MGAT4A: variants seen among roughly 807,000 people sequenced by gnomAD.
The protein encoded by MGAT4A is N-acetylglucosaminyltransferase IVa.
In MGAT4A, 33 loss-of-function variants were observed where a neutral mutation model predicts 74.1. The ratio of observed to expected loss-of-function variants is 0.45; its 90% CI spans 0.34 to 0.60. The LOEUF (loss-of-function observed/expected upper bound fraction) is 0.60. MGAT4A is among the 20% of genes least tolerant of loss of function. The pLI, the probability that MGAT4A is intolerant of heterozygous loss-of-function variation, is 0.02. For synonymous variants in MGAT4A, 198 were observed against 210.4 expected, an observed-to-expected ratio of 0.94 and a Z score of 0.51; for missense variants, 479 against 628.3, an observed-to-expected ratio of 0.76 and a Z score of 2.54.
At chr2:98,661,754 A>G (rs191855115) in intron 5 of MGAT4A, among the ~76,000 whole-genome samples, 419 of 152,296 alleles carry the variant, frequency 2.8e-3, no homozygotes, top group Middle Eastern at 6.8e-3. Flanking sequence ...TTCATAATTT[A>G]CCCATCTCTG....
chr2:98,624,583 A>C lies in MGAT4A; in HGVS notation c.*983T>G, dbSNP rs1701116270. The C allele has an allele frequency of 2.0e-6, 2 of 985,054 alleles. No homozygotes were observed. Among genetic ancestry groups the C allele is most frequent in the African/African-American group, 3.5e-5 (2 of 57,362 alleles). The allele number at this position is 985,054 out of a possible 1,614,324, so 61.0% of individuals were successfully genotyped here. ...ACTCATACAATAGCAACACCTAGAA[A>C]ACATTTTGTCTGACGTCATAAAATG... On this transcript the variant is annotated 3_prime_UTR_variant, in exon 16 of 16. Coordinates refer to ENST00000393487, the MANE Select transcript of MGAT4A (RefSeq NM_012214.3).
At chr2:98,643,314 G>A (rs1701439177) in intron 10 of MGAT4A, among the ~76,000 whole-genome samples, 1 of 152,018 alleles carries the variant, frequency 6.6e-6, no homozygotes, top group Admixed American at 6.6e-5. Flanking sequence ...GTGAACCACT[G>A]TACCTGGCCT....
rs114224419 is a variant in MGAT4A at position 98,689,990 on chromosome 2, A to C, written c.95-11519T>G. Among the ~76,000 whole-genome samples the C allele has an allele frequency of 4.7e-3, 715 of 152,142 alleles. 5 individuals carry two copies. Among genetic ancestry groups the C allele is most frequent in the African/African-American group, 0.016 (672 of 41,482 alleles). On this transcript the variant is annotated intron_variant, in intron 2 of 15. Coordinates refer to ENST00000393487, the MANE Select transcript of MGAT4A (RefSeq NM_012214.3). ...GGGAACTAGAAAAGTCGGCAACCTG[A>C]AAATACCAACAGGAGCACAAAAAAA...
In MGAT4A at chr2:98,711,967, A is replaced by G. The variant is rs563344738; in HGVS notation, c.94+14272T>C. On this transcript the variant is annotated intron_variant, in intron 2 of 15. Coordinates refer to ENST00000393487, the MANE Select transcript of MGAT4A (RefSeq NM_012214.3). ...AAAATTTAGGATAAAGTAGTAACAT[A>G]ATGACACTCTTCACCAGAAATTCCT... 2.0e-5 allele frequency among the ~76,000 whole-genome samples: 3 copies of G among 152,262 alleles called. No individual in the cohort carries two copies. In the South Asian group the frequency reaches 6.2e-4, roughly 32 times the overall value.
intron 8 of MGAT4A, among the ~76,000 whole-genome samples, chr2:98,650,872 CG>C (rs1233433683): frequency 6.6e-6 from 1 of 151,940 alleles, no homozygotes; most frequent in Non-Finnish European, 1.5e-5. Context: ...GGCGTGAACC[CG>C]GAAGGTGGAG....
Position 98,643,980 on chromosome 2 carries a change from A to G in MGAT4A, c.963T>C (p.Ile321=). Residue 321 remains isoleucine, a synonymous_variant, in exon 10 of 16, where the codon ATT becomes ATC. Coordinates refer to ENST00000393487, the MANE Select transcript of MGAT4A (RefSeq NM_012214.3). ...FIFMFYKEKP[I]DWLLDHILWV... ...AGAGAATATGGTCCAGGAGCCAATC[A>G]ATGGGTTTCTCCTTGTAAAACATGA... is the stretch of plus-strand genomic sequence containing the variant. 6.2e-7 allele frequency: 1 copy of G among 1,601,154 alleles called. No homozygotes were observed. The highest frequency in any genetic ancestry group is 8.5e-7 in the Non-Finnish European group (1 of 1,171,182).
intron 4 of MGAT4A, among the ~76,000 whole-genome samples, chr2:98,670,685 T>G (rs1701898956): frequency 6.6e-6 from 1 of 152,324 alleles, no homozygotes; most frequent in Non-Finnish European, 1.5e-5. Context: ...TTATATCTCA[T>G]GACAGTTTTT....
At chr2:98,643,880 A>G (rs370527390) in intron 10 of MGAT4A, 43 bp downstream of exon 10, 10 of 1,427,818 alleles carry the variant, frequency 7.0e-6, no homozygotes, top group East Asian at 2.5e-5. Flanking sequence ...TTCACGAAAT[A>G]CAGAAGTGAA....
Position 98,624,803 on chromosome 2 carries a change from A to G in MGAT4A, c.*763T>C. 2 of 985,376 alleles carry G rather than the reference A, an allele frequency of 2.0e-6. No homozygotes were observed. The highest frequency in any genetic ancestry group is 2.4e-6 in the Non-Finnish European group (2 of 829,452). 61.0% of individuals were successfully genotyped at this position (985,376 alleles called of 1,614,324 possible). On this transcript the variant is annotated 3_prime_UTR_variant, in exon 16 of 16. Transcript: ENST00000393487. ...TCAGACTGACTTTCTGTGGCTATAC[A>G]CCATACACAGTATAGTAAAGTAACC...
chr2:98,692,750 G>T (rs1444661305), intron 2 of MGAT4A, among the ~76,000 whole-genome samples: 1 of 152,204 alleles, frequency 6.6e-6, no homozygotes, highest in Non-Finnish European at 1.5e-5. Context: ...TAGCCTAGGA[G>T]CAGTACGTAG....
In MGAT4A at chr2:98,625,311, C is replaced by A; in HGVS notation, c.*255G>T. 14 of 1,218,288 alleles carry A rather than the reference C, an allele frequency of 1.1e-5. No homozygotes were observed. Among genetic ancestry groups the A allele is most frequent in the Non-Finnish European group, 1.4e-5 (13 of 958,424 alleles). 75.5% of individuals were successfully genotyped at this position (1,218,288 alleles called of 1,614,324 possible). On this transcript the variant is annotated 3_prime_UTR_variant, in exon 16 of 16. Transcript: ENST00000393487. ...CAACTCTTATGTATTAGTATAATAC[C>A]AAAATAGTACAAGTCATATTAACAG...
At chr2:98,687,435 C>T (rs1237977524) in intron 2 of MGAT4A, among the ~76,000 whole-genome samples, 5 of 152,230 alleles carry the variant, frequency 3.3e-5, no homozygotes, top group African/African-American at 1.2e-4. Flanking sequence ...TACTAACAAG[C>T]GTGTCCTCTT....
At chr2:98,667,998 G>A (rs572393337) in intron 4 of MGAT4A, among the ~76,000 whole-genome samples, 28 of 152,232 alleles carry the variant, frequency 1.8e-4, no homozygotes, top group African/African-American at 5.5e-4. Flanking sequence ...GATCACAGGC[G>A]TGAGCCACAG....
At chr2:98,631,057 C>G (rs144950420) in intron 14 of MGAT4A, among the ~76,000 whole-genome samples, 1,561 of 152,348 alleles carry the variant, frequency 0.01, 31 homozygotes, top group African/African-American at 0.036. Flanking sequence ...ACCAGTGGCC[C>G]TTTCCTTCTC....
chr2:98,692,825 C>G (rs548045191), intron 2 of MGAT4A, among the ~76,000 whole-genome samples: 1 of 152,258 alleles, frequency 6.6e-6, no homozygotes, highest in African/African-American at 2.4e-5. Flanking sequence ...CACAACAAAA[C>G]CACCTAACGA....
chr2:98,629,826 C>T (rs1158145120), intron 14 of MGAT4A, among the ~76,000 whole-genome samples: 1 of 152,140 alleles, frequency 6.6e-6, no homozygotes, highest in Admixed American at 6.5e-5. Context: ...GGCAGATCAC[C>T]TGAGGTCAGG....
chr2:98,729,769 T>C (rs1159457514), intron 1 of MGAT4A, among the ~76,000 whole-genome samples: 1 of 152,196 alleles, frequency 6.6e-6, no homozygotes, highest in Non-Finnish European at 1.5e-5. Context: ...TCTTCCTTAA[T>C]CAGCATCCCA....
intron 8 of MGAT4A, 128 bp downstream of exon 8, chr2:98,655,317 T>G: frequency 9.8e-5 from 64 of 650,942 alleles, no homozygotes; most frequent in East Asian, 2.3e-4. Flanking sequence ...CCCTCTGCTC[T>G]GAGATAGTTA....
At chr2:98,676,262 G>T (rs1701975396) in intron 3 of MGAT4A, among the ~76,000 whole-genome samples, 1 of 152,204 alleles carries the variant, frequency 6.6e-6, no homozygotes, top group East Asian at 1.9e-4. Flanking sequence ...CATGCGTAAA[G>T]AAACAATTAC....
Sources: gnomAD v4.1 joint callset for allele counts (sites outside exome capture counted in the v4.1 genomes callset) on GRCh38, gnomAD v4.1.1 for gene constraint, MANE v1.5 for transcripts, NCBI Gene and HGNC (gene_info 2026-07-23, HGNC 2026-07-21) for gene names.